The following GNAQ variants were observed in gnomAD, a reference collection of about 807,000 sequenced individuals.
GNAQ encodes the protein G protein subunit alpha q.
A neutral mutation model predicts 43.9 loss-of-function variants in GNAQ; 8 were observed. The ratio of observed to expected loss-of-function variants is 0.18; its 90% confidence interval spans 0.11 to 0.33. GNAQ has a LOEUF of 0.33. Among genes scored for constraint, GNAQ ranks in the 10% least tolerant of loss-of-function variants. The pLI is 1.00. For missense variants in GNAQ, 158 were observed against 450.8 expected, an observed-to-expected ratio of 0.35 and a Z score of 5.88; for synonymous variants, 155 against 170.7, an observed-to-expected ratio of 0.91 and a Z score of 0.71.
At chr9:77,969,299 G>A (rs907374465) in intron 1 of GNAQ, among the ~76,000 whole-genome samples, 3 of 152,178 alleles carry the variant, frequency 2.0e-5, no homozygotes, top group Admixed American at 2.0e-4. Context: ...TAACACACCC[G>A]AATTACCATC....
intron 5 of GNAQ, among the ~76,000 whole-genome samples, chr9:77,754,404 G>C (rs1825865934): frequency 6.6e-6 from 1 of 152,078 alleles, no homozygotes; most frequent in Non-Finnish European, 1.5e-5. Flanking sequence ...AAAATAAGTA[G>C]GTGTTTTATA....
In GNAQ at chr9:77,998,373, AC is replaced by A. The variant is rs143814715; in HGVS notation, c.136+32726del. On this transcript the variant is annotated intron_variant, in intron 1 of 6. Transcript: ENST00000286548. ...AGTGAGAATATGGTTTCTATGAAAT[AC>A]CCAAAAATGAACTGCATAAACCATT... is the stretch of plus-strand genomic sequence containing the variant. 1.8e-3 allele frequency among the ~76,000 whole-genome samples: 278 copies of A among 152,344 alleles called. 2 individuals carry two copies. The highest frequency in any genetic ancestry group is 6.3e-3 in the African/African-American group (260 of 41,584).
intron 5 of GNAQ, 52 bp from the exon 6 acceptor site, chr9:77,728,719 T>A (rs2118219235): frequency 1.6e-6 from 2 of 1,247,808 alleles, no homozygotes; most frequent in Non-Finnish European, 2.3e-6. Flanking sequence ...ACATGATTAC[T>A]TAATTTGTGA....
chr9:77,818,123 C>G (rs1200918248), intron 2 of GNAQ, among the ~76,000 whole-genome samples: 1 of 152,032 alleles, frequency 6.6e-6, no homozygotes, highest in Non-Finnish European at 1.5e-5. Context: ...GCTATAAACC[C>G]GTTACTCAGA....
At chr9:77,869,630 T>G (rs1468356543) in intron 2 of GNAQ, among the ~76,000 whole-genome samples, 1 of 152,216 alleles carries the variant, frequency 6.6e-6, no homozygotes, top group African/African-American at 2.4e-5. Flanking sequence ...TAGTCTCAAA[T>G]GCTTCTAGGA....
intron 1 of GNAQ, among the ~76,000 whole-genome samples, chr9:78,022,849 C>A (rs1163903877): frequency 2.0e-5 from 3 of 152,174 alleles, no homozygotes; most frequent in African/African-American, 4.8e-5. Context: ...CCAAAACAAA[C>A]CCACCACAAA....
chr9:77,973,168 G>C (rs1282976243), intron 1 of GNAQ, among the ~76,000 whole-genome samples: 1 of 152,072 alleles, frequency 6.6e-6, no homozygotes, highest in African/African-American at 2.4e-5. Flanking sequence ...AAGAATAAAT[G>C]TGTGGGAATG....
chr9:77,731,739 C>T (rs1825492774), intron 5 of GNAQ, among the ~76,000 whole-genome samples: 1 of 152,174 alleles, frequency 6.6e-6, no homozygotes, highest in Admixed American at 6.5e-5. Context: ...CGAGGGTCTG[C>T]ATTTCTAACA....
At chr9:77,889,423 A>C in intron 2 of GNAQ, among the ~76,000 whole-genome samples, 2 of 65,658 alleles carry the variant, frequency 3.0e-5, no homozygotes, top group East Asian at 2.8e-4. Context: ...AAAAAAAAAA[A>C]AAAAAAAAAA....
At chr9:77,887,362 G>C (rs1828325770) in intron 2 of GNAQ, among the ~76,000 whole-genome samples, 1 of 152,154 alleles carries the variant, frequency 6.6e-6, no homozygotes, top group Non-Finnish European at 1.5e-5. Context: ...CTTTTAGTCT[G>C]TAATTTCAAA....
At chr9:77,962,938 A>G (rs1409407280) in intron 1 of GNAQ, among the ~76,000 whole-genome samples, 1 of 150,872 alleles carries the variant, frequency 6.6e-6, no homozygotes, top group African/African-American at 2.4e-5. Flanking sequence ...AATGTGTATT[A>G]TGAAAAAACT....
chr9:77,853,678 A>G (rs979362724), intron 2 of GNAQ, among the ~76,000 whole-genome samples: 3 of 150,822 alleles, frequency 2.0e-5, no homozygotes, highest in Admixed American at 6.7e-5. Context: ...CAGGTCACAG[A>G]TACAGCCATG....
At chr9:77,829,795 G>A (rs750543352) in intron 2 of GNAQ, among the ~76,000 whole-genome samples, 1 of 152,068 alleles carries the variant, frequency 6.6e-6, no homozygotes, top group African/African-American at 2.4e-5. Context: ...AATATCCCCA[G>A]GTGATCTGTG....
chr9:77,972,228 C>T (rs1823245190), intron 1 of GNAQ, among the ~76,000 whole-genome samples: 1 of 151,256 alleles, frequency 6.6e-6, no homozygotes, highest in Non-Finnish European at 1.5e-5. Context: ...TTTAAAAAAC[C>T]CAAGAGAAAA....
intron 5 of GNAQ, among the ~76,000 whole-genome samples, chr9:77,757,872 T>C (rs1195585008): frequency 6.6e-6 from 1 of 152,208 alleles, no homozygotes; most frequent in Non-Finnish European, 1.5e-5. Context: ...TTTCTCCCAA[T>C]TGAGAGAATT....
intron 1 of GNAQ, among the ~76,000 whole-genome samples, chr9:78,014,012 T>C (rs1223628279): frequency 6.6e-6 from 1 of 152,120 alleles, no homozygotes; most frequent in Non-Finnish European, 1.5e-5. Flanking sequence ...TCTCTGAAGA[T>C]GATAAACTGA....
intron 1 of GNAQ, among the ~76,000 whole-genome samples, chr9:78,019,220 T>TA (rs1363722847): frequency 2.0e-5 from 3 of 152,224 alleles, no homozygotes; most frequent in African/African-American, 7.2e-5. Context: ...TTCTCCCATA[T>TA]AAGATGAGAA....
Position 77,760,220 on chromosome 9 carries a change from C to CCCTCTCCCT in GNAQ, c.736-31562_736-31554dup, listed in dbSNP as rs202152931. Among the ~76,000 whole-genome samples, 14 of 121,928 alleles carry CCCTCTCCCT rather than the reference C, an allele frequency of 1.1e-4. No individual in the cohort carries two copies. In the South Asian group the frequency reaches 1.2e-3, roughly 10 times the overall value. 80.0% of individuals were successfully genotyped at this position (121,928 alleles called of 152,430 possible). A position where few individuals can be genotyped will look rare whatever the true frequency, so the allele number is the denominator to read the frequency against. ...CACCACAAAAGAAAATCCTGGACTT[C>CCCTCTCCCT]CCTCTCCCTCTCCCCACGGTCTCCC... On this transcript the variant is annotated intron_variant, in intron 5 of 6. Coordinates refer to ENST00000286548, the MANE Select transcript of GNAQ (RefSeq NM_002072.5).
chr9:77,854,930 C>A (rs1156857789), intron 2 of GNAQ, among the ~76,000 whole-genome samples: 1 of 152,120 alleles, frequency 6.6e-6, no homozygotes, highest in African/African-American at 2.4e-5. Flanking sequence ...TTTCAAAGAA[C>A]AAATAACCAG....
Sources: allele counts gnomAD v4.1 joint callset (sites outside exome capture counted in the v4.1 genomes callset), GRCh38; gene constraint gnomAD v4.1.1; transcripts MANE v1.5; gene names NCBI Gene and HGNC (gene_info 2026-07-23, HGNC 2026-07-21).